Variants in ARL15 observed in about 807,000 individuals in gnomAD.
The protein encoded by ARL15 is ARF like GTPase 15.
A neutral mutation model predicts 25.2 loss-of-function variants in ARL15; 19 were observed. That is an observed-to-expected ratio of 0.75 (90% confidence interval 0.53 to 1.10). ARL15 has a LOEUF of 1.10. Among genes scored for constraint, ARL15 ranks in the 50% least tolerant of loss-of-function variants. The pLI is 0.00. For missense variants in ARL15, 220 were observed against 246.0 expected (o/e 0.89, Z 0.71); for synonymous variants, 94 against 86.8 (o/e 1.08, Z -0.46).
chr5:54,057,052 T>G (rs1298740647), intron 4 of ARL15, among the ~76,000 whole-genome samples: 1 of 145,570 alleles, frequency 6.9e-6, no homozygotes, highest in Non-Finnish European at 1.5e-5. Context: ...AAGAAAAATG[T>G]ATAGTCTAAT....
chr5:54,261,564 A>G (rs1757497702), intron 1 of ARL15, among the ~76,000 whole-genome samples: 2 of 150,694 alleles, frequency 1.3e-5, no homozygotes, highest in South Asian at 4.2e-4. Context: ...AAAAAAAAAA[A>G]GAGAGAACTT....
intron 4 of ARL15, among the ~76,000 whole-genome samples, chr5:53,944,344 T>A (rs1746644923): frequency 6.6e-6 from 1 of 152,070 alleles, no homozygotes; most frequent in African/African-American, 2.4e-5. Flanking sequence ...GGCACAGTTG[T>A]TCGCACCTGT....
At chr5:54,262,748 A>T (rs1327183485) in intron 1 of ARL15, among the ~76,000 whole-genome samples, 2 of 152,194 alleles carry the variant, frequency 1.3e-5, no homozygotes, top group Non-Finnish European at 2.9e-5. Flanking sequence ...CCAAACTTTT[A>T]AAAGTTTTAT....
chr5:54,073,905 C>A (rs1751499581), intron 4 of ARL15, among the ~76,000 whole-genome samples: 1 of 152,196 alleles, frequency 6.6e-6, no homozygotes, highest in Admixed American at 6.5e-5. Flanking sequence ...TTCTAGCATT[C>A]CAAGCTTCTT....
At chr5:54,045,062 G>T (rs1234473104) in intron 4 of ARL15, among the ~76,000 whole-genome samples, 2 of 152,130 alleles carry the variant, frequency 1.3e-5, no homozygotes, top group East Asian at 3.9e-4. Flanking sequence ...TATACCACAA[G>T]TTATATAACG....
At chr5:54,101,252 ATTTT>A (rs769643564) in intron 4 of ARL15, among the ~76,000 whole-genome samples, 1 of 152,040 alleles carries the variant, frequency 6.6e-6, no homozygotes, top group African/African-American at 2.4e-5. Context: ...AATAACATAT[ATTTT>A]TCAGTTCGGC....
At chr5:54,287,658 C>T (rs1414524032) in intron 1 of ARL15, among the ~76,000 whole-genome samples, 2 of 152,090 alleles carry the variant, frequency 1.3e-5, no homozygotes, top group African/African-American at 4.8e-5. Context: ...AATTAAAATG[C>T]ATTCATATGA....
chr5:54,074,235 C>G (rs1213931440), intron 4 of ARL15, among the ~76,000 whole-genome samples: 4 of 152,070 alleles, frequency 2.6e-5, no homozygotes, highest in Admixed American at 2.6e-4. Flanking sequence ...CCACTGCTTA[C>G]AAACTGAGCC....
At chr5:53,897,428 C>T (rs1217097490) in intron 4 of ARL15, among the ~76,000 whole-genome samples, 1 of 152,198 alleles carries the variant, frequency 6.6e-6, no homozygotes, top group Non-Finnish European at 1.5e-5. Flanking sequence ...ATACTTCATC[C>T]CTTTTTACGG....
intron 1 of ARL15, among the ~76,000 whole-genome samples, chr5:54,219,935 G>T (rs1305882967): frequency 1.3e-5 from 2 of 152,134 alleles, no homozygotes; most frequent in Non-Finnish European, 2.9e-5. Context: ...GGATAATCTA[G>T]TGGTATCTTG....
chr5:54,071,527 C>G (rs1184845273), intron 4 of ARL15, among the ~76,000 whole-genome samples: 3 of 28,058 alleles, frequency 1.1e-4, no homozygotes, highest in African/African-American at 3.4e-4. Flanking sequence ...CCCCCCCCCG[C>G]AAAGCCAGAC....
chr5:54,207,789 A>T (rs1011913241), intron 1 of ARL15, among the ~76,000 whole-genome samples: 1 of 152,178 alleles, frequency 6.6e-6, no homozygotes, highest in African/African-American at 2.4e-5. Context: ...ATAAATGGGC[A>T]TGAAGGAGGG....
At chr5:54,180,702 A>G (rs1340893076) in intron 1 of ARL15, among the ~76,000 whole-genome samples, 2 of 152,240 alleles carry the variant, frequency 1.3e-5, no homozygotes, top group Non-Finnish European at 2.9e-5. Flanking sequence ...GCCTCAGGAC[A>G]CTAAATCTGT....
At chr5:54,231,817 G>A (rs1246840178) in intron 1 of ARL15, among the ~76,000 whole-genome samples, 1 of 152,090 alleles carries the variant, frequency 6.6e-6, no homozygotes, top group Non-Finnish European at 1.5e-5. Flanking sequence ...GACACTAGTA[G>A]TATCAGATTA....
At chr5:54,233,900 C>G (rs1756736058) in intron 1 of ARL15, among the ~76,000 whole-genome samples, 1 of 152,220 alleles carries the variant, frequency 6.6e-6, no homozygotes, top group Non-Finnish European at 1.5e-5. Flanking sequence ...TTAAAAAGAT[C>G]TGCAAAGAGG....
chr5:54,058,395 A>C (rs2112019471), intron 4 of ARL15, among the ~76,000 whole-genome samples: 1 of 152,282 alleles, frequency 6.6e-6, no homozygotes, highest in African/African-American at 2.4e-5. Context: ...TATTAAATAA[A>C]CAAGTATTTG....
chr5:54,260,663 A>AT (rs1404333975), intron 1 of ARL15, among the ~76,000 whole-genome samples: 3 of 152,114 alleles, frequency 2.0e-5, no homozygotes, highest in Non-Finnish European at 2.9e-5. Context: ...TATAATGCAT[A>AT]TTTTTCCTAT....
At chr5:54,170,689 T>C (rs372140410) in intron 2 of ARL15, among the ~76,000 whole-genome samples, 2 of 152,280 alleles carry the variant, frequency 1.3e-5, no homozygotes, top group African/African-American at 4.8e-5. Flanking sequence ...AAATCTAATG[T>C]AGCAAACCAA....
rs536057844 is a variant in ARL15 at position 54,163,655 on chromosome 5, T to G, written c.193+8129A>C. ...TTGATGGTTTGTCCTTCAAGGAAAT[T>G]GTCCATTTTCTCTAAGTTGTCAGAT... On this transcript the variant is annotated intron_variant, in intron 2 of 4. Transcript: ENST00000504924. Among the ~76,000 whole-genome samples the G allele has an allele frequency of 6.6e-5, 10 of 152,070 alleles. No individual in the cohort carries two copies. The East Asian group carries it at 1.9e-3, about 29-fold the overall frequency.
Sources: allele counts gnomAD v4.1 joint callset (sites outside exome capture counted in the v4.1 genomes callset), GRCh38; gene constraint gnomAD v4.1.1; transcripts MANE v1.5; gene names NCBI Gene and HGNC (gene_info 2026-07-23, HGNC 2026-07-21).